The following ZMAT3 variants were observed in gnomAD, a reference collection of about 807,000 sequenced individuals.
ZMAT3 encodes the protein zinc finger matrin-type protein 3.
In ZMAT3, 17 loss-of-function variants were observed where a neutral mutation model predicts 32.3. The ratio of observed to expected loss-of-function variants is 0.53; its 90% CI spans 0.36 to 0.79. ZMAT3 has a LOEUF of 0.79. ZMAT3 is among the 30% of genes least tolerant of loss of function. ZMAT3 has a pLI of 0.00. For missense variants in ZMAT3, 329 were observed against 359.7 expected (o/e 0.91, Z 0.69); for synonymous variants, 120 against 133.1 (o/e 0.90, Z 0.68).
chr3:179,039,616 G>T (rs959285151), intron 2 of ZMAT3, among the ~76,000 whole-genome samples: 20 of 152,194 alleles, frequency 1.3e-4, no homozygotes, highest in African/African-American at 4.6e-4. Context: ...AAACCAAAAA[G>T]ATGGGGAGAA....
At chr3:179,040,102 T>C (rs143976689) in intron 2 of ZMAT3, among the ~76,000 whole-genome samples, 1 of 152,228 alleles carries the variant, frequency 6.6e-6, no homozygotes, top group African/African-American at 2.4e-5. Flanking sequence ...AAATCTACGT[T>C]TGATTGGTGT....
chr3:179,066,935 T>C (rs1171474737), intron 2 of ZMAT3, among the ~76,000 whole-genome samples: 1 of 152,242 alleles, frequency 6.6e-6, no homozygotes, highest in Non-Finnish European at 1.5e-5. Context: ...TATTGCAATG[T>C]CATTTTATTC....
chr3:179,069,498 T>C (rs191267672), intron 1 of ZMAT3, among the ~76,000 whole-genome samples: 31 of 152,342 alleles, frequency 2.0e-4, no homozygotes, highest in African/African-American at 7.2e-4. Context: ...CCTCTTCTCT[T>C]GGTCAATAGA....
chr3:179,051,385 A>G (rs1720548620), intron 2 of ZMAT3, among the ~76,000 whole-genome samples: 1 of 152,208 alleles, frequency 6.6e-6, no homozygotes, highest in Admixed American at 6.5e-5. Flanking sequence ...TCAAGAACTC[A>G]GCCCCTTTTA....
intron 5 of ZMAT3, among the ~76,000 whole-genome samples, chr3:179,026,011 C>T (rs1718847278): frequency 6.6e-6 from 1 of 152,170 alleles, no homozygotes; most frequent in Admixed American, 6.5e-5. Flanking sequence ...TCTCAAAATA[C>T]TGCTTTCACT....
chr3:179,063,606 C>T (rs918760663), intron 2 of ZMAT3, among the ~76,000 whole-genome samples: 7 of 152,162 alleles, frequency 4.6e-5, no homozygotes, highest in South Asian at 2.1e-4. Context: ...AAAATTCATC[C>T]GTGCTTTTTG....
rs1033447870 is a variant in ZMAT3, at chr3:179,046,030, A to C, written c.271-15031T>G. 3.9e-5 allele frequency among the ~76,000 whole-genome samples: 6 copies of C among 152,338 alleles called. No homozygotes were observed. The highest frequency in any genetic ancestry group is 3.9e-4 in the Admixed American group (6 of 15,300). ...CACCCAGTACAGGCAACTATGCAGA[A>C]GAGCTCTATGACAGGGAGCAGAGAA... On this transcript the variant is annotated intron_variant, in intron 2 of 5. Transcript: ENST00000311417. The surrounding 1 kb of genome is among the most constrained non-coding windows in gnomAD (Gnocchi z 4.3).
chr3:179,072,142 C>T (rs990935859), upstream of ZMAT3: 9 of 152,574 alleles, frequency 5.9e-5, no homozygotes, highest in Non-Finnish European at 1.3e-4. Flanking sequence ...CATCTCCAGT[C>T]ATTGGGATCC....
At chr3:179,032,833 C>T (rs542139953) in intron 2 of ZMAT3, among the ~76,000 whole-genome samples, 139 of 151,294 alleles carry the variant, frequency 9.2e-4, no homozygotes, top group African/African-American at 3.0e-3. Context: ...AAGTGAGGAG[C>T]GTCTCCGCCC....
rs1455615596 is a variant in ZMAT3 at position 179,020,932 on chromosome 3, T to C, written c.*4085A>G. Reference sequence around the variant, plus strand: ...AGCTATAAGCAAGCATATAGTTCTGTAGAAAAGCTTTCTAAAATGAGGTGG... The same window carrying C: ...AGCTATAAGCAAGCATATAGTTCTGCAGAAAAGCTTTCTAAAATGAGGTGG... On this transcript the variant is annotated 3_prime_UTR_variant, in exon 6 of 6. Transcript: ENST00000311417. The C allele has an allele frequency of 1.3e-5, 2 of 152,230 alleles. No individual in the cohort carries two copies. Among genetic ancestry groups the C allele is most frequent in the African/African-American group, 4.8e-5 (2 of 41,454 alleles). The allele number at this position is 152,230 out of a possible 1,614,324, so 9.4% of individuals were successfully genotyped here.
chr3:179,054,532 T>C (rs1439110532), intron 2 of ZMAT3, among the ~76,000 whole-genome samples: 3 of 152,242 alleles, frequency 2.0e-5, no homozygotes, highest in Non-Finnish European at 4.4e-5. Flanking sequence ...TGTAATTATG[T>C]AAAATGTTAA....
chr3:179,053,079 G>C (rs1268215173), intron 2 of ZMAT3, among the ~76,000 whole-genome samples: 2 of 152,072 alleles, frequency 1.3e-5, no homozygotes, highest in Non-Finnish European at 2.9e-5. Flanking sequence ...AGTGAGCGGA[G>C]ATTGTGCCAC....
At position 179,023,706 on chromosome 3, in the gene ZMAT3, A is replaced by ATTTT. The variant is rs1718679399; in HGVS notation, c.*1310_*1311insAAAA. The stretch of plus-strand genomic sequence containing the variant: ...TGCTGGAAAATATATCTATATATAT[A>ATTTT]TATATTTTTTTTTTTTTTTTTTTTT... On this transcript the variant is annotated 3_prime_UTR_variant, in exon 6 of 6. Transcript: ENST00000311417. The ATTTT allele has an allele frequency of 7.6e-5, 1 of 13,210 alleles. No homozygotes were observed. Among genetic ancestry groups the ATTTT allele is most frequent in the Non-Finnish European group, 1.2e-4 (1 of 8,658 alleles). The allele number at this position is 13,210 out of a possible 1,614,324, so 0.8% of individuals were successfully genotyped here.
chr3:179,026,843 C>A (rs1176199462), intron 5 of ZMAT3, among the ~76,000 whole-genome samples: 1 of 152,142 alleles, frequency 6.6e-6, no homozygotes, highest in African/African-American at 2.4e-5. Context: ...GACTACTCAG[C>A]CCACTCTCCC....
Position 179,024,041 on chromosome 3 carries a change from A to G in ZMAT3, c.*976T>C, listed in dbSNP as rs1349214642. The G allele has an allele frequency of 6.6e-6, 1 of 151,838 alleles. No individual in the cohort carries two copies. Among genetic ancestry groups the G allele is most frequent in the Non-Finnish European group, 1.5e-5 (1 of 67,992 alleles). The allele number at this position is 151,838 out of a possible 1,614,324, so 9.4% of individuals were successfully genotyped here. ...GGCCCTATTTTTTGAAATCATATCC[A>G]TCTTAAACTCATTGAATATTCAAAT... On this transcript the variant is annotated 3_prime_UTR_variant, in exon 6 of 6. Coordinates refer to ENST00000311417, the MANE Select transcript of ZMAT3 (RefSeq NM_022470.4).
chr3:179,025,005 A>G lies in ZMAT3; in HGVS notation c.*12T>C. On this transcript the variant is annotated 3_prime_UTR_variant, in exon 6 of 6. Coordinates refer to ENST00000311417, the MANE Select transcript of ZMAT3 (RefSeq NM_022470.4). Reference sequence around the variant, plus strand: ...AGGCAGGAAAAGCTGCTCTATCTTAATATGATAATCACTATACATATCCCA... The same window carrying G: ...AGGCAGGAAAAGCTGCTCTATCTTAGTATGATAATCACTATACATATCCCA... 1.2e-6 allele frequency: 2 copies of G among 1,613,764 alleles called. No homozygotes were observed. The highest frequency in any genetic ancestry group is 1.7e-6 in the Non-Finnish European group (2 of 1,179,716).
intron 2 of ZMAT3, among the ~76,000 whole-genome samples, chr3:179,053,262 CTA>C (rs1029128881): frequency 1.5e-4 from 23 of 149,404 alleles, no homozygotes; most frequent in African/African-American, 3.4e-4. Flanking sequence ...TATCTATATT[CTA>C]TATAGAGATA....
At chr3:179,059,603 G>A (rs1041636728) in intron 2 of ZMAT3, among the ~76,000 whole-genome samples, 5 of 152,078 alleles carry the variant, frequency 3.3e-5, no homozygotes, top group Admixed American at 2.6e-4. Context: ...ACTACAAATC[G>A]TTCTTCAAAT....
intron 2 of ZMAT3, among the ~76,000 whole-genome samples, chr3:179,067,001 A>G (rs4416420): frequency 0.074 from 11,204 of 152,304 alleles, 439 homozygotes; most frequent in Middle Eastern, 0.15. Flanking sequence ...TATAAGAGTT[A>G]GAAGTCAAAA....
Sources: allele counts gnomAD v4.1 joint callset (sites outside exome capture counted in the v4.1 genomes callset), GRCh38; gene constraint gnomAD v4.1.1; non-coding constraint Gnocchi (gnomAD v3.1); transcripts MANE v1.5; gene names NCBI Gene and HGNC (gene_info 2026-07-23, HGNC 2026-07-21).